The following PDGFD variants were observed in gnomAD, a reference collection of about 807,000 sequenced individuals.
PDGFD encodes the protein platelet-derived growth factor D.
Under a neutral mutation model 44.7 loss-of-function variants are expected in PDGFD, and 30 were observed. The observed-to-expected ratio is 0.67, with a 90% confidence interval of 0.50 to 0.91. The LOEUF is 0.91. PDGFD is among the 40% of genes least tolerant of loss of function. PDGFD has a pLI of 0.00. For synonymous variants in PDGFD, 173 were observed against 168.4 expected, an observed-to-expected ratio of 1.03 and a Z score of -0.21; for missense variants, 445 against 457.8, an observed-to-expected ratio of 0.97 and a Z score of 0.25.
chr11:104,113,455 T>C (rs1861590125), intron 1 of PDGFD, among the ~76,000 whole-genome samples: 1 of 152,154 alleles, frequency 6.6e-6, no homozygotes, highest in Non-Finnish European at 1.5e-5. Flanking sequence ...TCATTTCTTT[T>C]CAGCACTGAA....
At chr11:104,093,279 A>C (rs899571795) in intron 1 of PDGFD, among the ~76,000 whole-genome samples, 1 of 151,964 alleles carries the variant, frequency 6.6e-6, no homozygotes, top group Non-Finnish European at 1.5e-5. Context: ...ATCATCCTAC[A>C]TGGGGCAGCT....
intron 1 of PDGFD, among the ~76,000 whole-genome samples, chr11:104,002,436 C>T (rs995992016): frequency 5.9e-5 from 9 of 152,186 alleles, no homozygotes; most frequent in Non-Finnish European, 1.0e-4. Context: ...ACCCCTGCCT[C>T]CTGCTGCCAT....
At chr11:104,058,760 C>T (rs1860662415) in intron 1 of PDGFD, among the ~76,000 whole-genome samples, 1 of 152,074 alleles carries the variant, frequency 6.6e-6, no homozygotes, top group South Asian at 2.1e-4. Flanking sequence ...ATGAATAAAC[C>T]AAATTACAGG....
intron 6 of PDGFD, among the ~76,000 whole-genome samples, chr11:103,917,893 G>T (rs370076684): frequency 6.6e-6 from 1 of 152,196 alleles, no homozygotes; most frequent in Non-Finnish European, 1.5e-5. Flanking sequence ...CTAGGTGAAA[G>T]TTAGATGCCT....
rs569181407 is a variant in PDGFD, at chr11:104,091,006, G to A, written c.124+72798C>T. 3.9e-5 allele frequency among the ~76,000 whole-genome samples: 6 copies of A among 152,140 alleles called. No homozygotes were observed. In the East Asian group the frequency reaches 5.8e-4, roughly 15 times the overall value. ...CAAAAGCCCCCCCATGCAAACTACC[G>A]AGTCTAACACTGAAATCCTAAAGCA... On this transcript the variant is annotated intron_variant, in intron 1 of 6. Transcript: ENST00000393158.
intron 6 of PDGFD, among the ~76,000 whole-genome samples, chr11:103,920,170 G>C (rs1201556618): frequency 6.6e-6 from 1 of 152,194 alleles, no homozygotes; most frequent in African/African-American, 2.4e-5. Context: ...TAAGCTTGAA[G>C]GTGACAAAAA....
In PDGFD at chr11:104,119,448, T is replaced by A. The variant is rs1343137577; in HGVS notation, c.124+44356A>T. Reference sequence around the variant, plus strand: ...ATATATAATATATTGATATAATATATTGATATAATATATAATATATTGATA... The same window carrying A: ...ATATATAATATATTGATATAATATAATGATATAATATATAATATATTGATA... On this transcript the variant is annotated intron_variant, in intron 1 of 6. Transcript: ENST00000393158. Among the ~76,000 whole-genome samples the A allele has an allele frequency of 5.8e-4, 45 of 77,082 alleles. 1 individual carries two copies. Among genetic ancestry groups the A allele is most frequent in the African/African-American group, 2.3e-3 (41 of 18,212 alleles). 50.6% of individuals were successfully genotyped at this position (77,082 alleles called of 152,430 possible). A position where few individuals can be genotyped will look rare whatever the true frequency, so the allele number is the denominator to read the frequency against.
intron 1 of PDGFD, among the ~76,000 whole-genome samples, chr11:104,102,817 C>G (rs1861410938): frequency 6.6e-6 from 1 of 152,022 alleles, no homozygotes; most frequent in African/African-American, 2.4e-5. Flanking sequence ...TCTCAGCAAA[C>G]TACTGCAAGG....
chr11:104,032,633 C>T (rs1717910348), intron 1 of PDGFD, among the ~76,000 whole-genome samples: 1 of 149,988 alleles, frequency 6.7e-6, no homozygotes, highest in South Asian at 2.1e-4. Flanking sequence ...CTGAAACCAT[C>T]AGTTATGTGG....
chr11:103,996,027 A>G, intron 3 of PDGFD, 38 bp downstream of exon 3: 6 of 1,555,376 alleles, frequency 3.9e-6, no homozygotes, highest in Non-Finnish European at 5.3e-6. Context: ...TCATGAAACC[A>G]GTGTCTGCTT....
At chr11:103,989,702 G>A (rs921857900) in intron 3 of PDGFD, among the ~76,000 whole-genome samples, 2 of 152,140 alleles carry the variant, frequency 1.3e-5, no homozygotes, top group African/African-American at 4.8e-5. Context: ...AGCAGAAGAG[G>A]AACAGGTAGG....
At chr11:104,118,630 A>C (rs1169196094) in intron 1 of PDGFD, among the ~76,000 whole-genome samples, 1 of 148,830 alleles carries the variant, frequency 6.7e-6, no homozygotes, top group Admixed American at 6.9e-5. Flanking sequence ...GCAAGTGTCT[A>C]ATCATTGATA....
intron 1 of PDGFD, among the ~76,000 whole-genome samples, chr11:104,046,953 A>G (rs914790282): frequency 1.4e-5 from 2 of 145,812 alleles, no homozygotes; most frequent in Non-Finnish European, 3.1e-5. Context: ...ACATGTTCTC[A>G]TTGTTCATCT....
At position 104,097,850 on chromosome 11, in the gene PDGFD, C is replaced by T. The variant is rs377183930; in HGVS notation, c.124+65954G>A. On this transcript the variant is annotated intron_variant, in intron 1 of 6. Transcript: ENST00000393158. ...GTCTGAATCCTGTTTTCACTTTAAA[C>T]GCCAACTATACTGCTTCCCTTAAGC... Among the ~76,000 whole-genome samples the T allele has an allele frequency of 4.6e-5, 7 of 152,082 alleles. No homozygotes were observed. The South Asian group carries it at 8.3e-4, about 18-fold the overall frequency.
intron 6 of PDGFD, among the ~76,000 whole-genome samples, chr11:103,910,882 G>A (rs1026275887): frequency 3.3e-5 from 5 of 152,212 alleles, no homozygotes; most frequent in African/African-American, 1.2e-4. Context: ...GGATGCTTGA[G>A]CTTGGTGAGG....
At chr11:104,109,541 T>C (rs1447273203) in intron 1 of PDGFD, among the ~76,000 whole-genome samples, 3 of 152,196 alleles carry the variant, frequency 2.0e-5, no homozygotes, top group South Asian at 2.1e-4. Context: ...CTCATCATTT[T>C]ACTTCTAGGT....
At chr11:103,988,705 T>C (rs1018380306) in intron 3 of PDGFD, among the ~76,000 whole-genome samples, 1 of 152,166 alleles carries the variant, frequency 6.6e-6, no homozygotes, top group Non-Finnish European at 1.5e-5. Context: ...TAGCAGCACA[T>C]ATGTATGAGC....
At chr11:104,133,861 T>A (rs1861960706) in intron 1 of PDGFD, among the ~76,000 whole-genome samples, 2 of 152,060 alleles carry the variant, frequency 1.3e-5, no homozygotes, top group Non-Finnish European at 2.9e-5. Context: ...CCTGGTGTAT[T>A]CTGTATACAG....
intron 3 of PDGFD, among the ~76,000 whole-genome samples, chr11:103,956,825 T>C (rs1029924476): frequency 2.2e-4 from 33 of 152,196 alleles, no homozygotes; most frequent in Non-Finnish European, 4.4e-4. Flanking sequence ...ATGGTGAACA[T>C]TTTTTCATGT....
Sources: gnomAD v4.1 joint callset for allele counts (sites outside exome capture counted in the v4.1 genomes callset) on GRCh38, gnomAD v4.1.1 for gene constraint, MANE v1.5 for transcripts, NCBI Gene and HGNC (gene_info 2026-07-23, HGNC 2026-07-21) for gene names.